AGO2: variants seen among roughly 807,000 people sequenced by gnomAD.
AGO2 encodes protein argonaute-2.
A neutral mutation model predicts 102.3 loss-of-function variants in AGO2; 5 were observed. That is an observed-to-expected ratio of 0.05 (90% CI 0.03 to 0.10). The LOEUF (loss-of-function observed/expected upper bound fraction) is 0.10. Ranked by LOEUF, AGO2 falls within the 10% of genes least tolerant of loss-of-function variation. The pLI is 1.00. For missense variants in AGO2, 541 were observed against 1,183.7 expected, an observed-to-expected ratio of 0.46 and a Z score of 7.97; for synonymous variants, 449 against 473.1, an observed-to-expected ratio of 0.95 and a Z score of 0.66.
chr8:140,562,377 C>G, intron 4 of AGO2, 76 bp downstream of exon 4: 2 of 1,510,844 alleles, frequency 1.3e-6, no homozygotes, highest in Non-Finnish European at 1.8e-6. Context: ...GTTCCTCGGA[C>G]AGATTTCAGA....
intron 1 of AGO2, chr8:140,592,479 A>C (rs1006921481): frequency 6.6e-6 from 1 of 152,200 alleles, no homozygotes; most frequent in Non-Finnish European, 1.5e-5. Context: ...GCAACTGTTG[A>C]CTGAATGAAT....
At position 140,532,492 on chromosome 8, in the gene AGO2, T is replaced by C; in HGVS notation, c.2395A>G (p.Ile799Val). 6.2e-7 allele frequency: 1 copy of C among 1,614,264 alleles called. No individual in the cohort carries two copies. Among genetic ancestry groups the C allele is most frequent in the Non-Finnish European group, 8.5e-7 (1 of 1,180,054 alleles). ...TYVRCTRSVS[I>V]PAPAYYAHLV... Reference sequence around the variant, plus strand: ...TGAGCGTAGTATGCTGGCGCTGGGATGGACACGGAGCGTGTGCAGCGCACG... The same window carrying C: ...TGAGCGTAGTATGCTGGCGCTGGGACGGACACGGAGCGTGTGCAGCGCACG... The change falls in exon 18 of 19, where the codon ATC becomes GTC. Residue 799 changes from isoleucine to valine, a missense_variant. Coordinates refer to ENST00000220592, the MANE Select transcript of AGO2 (RefSeq NM_012154.5).
At chr8:140,577,926 G>C (rs997964462) in intron 2 of AGO2, among the ~76,000 whole-genome samples, 1 of 152,226 alleles carries the variant, frequency 6.6e-6, no homozygotes, top group African/African-American at 2.4e-5. Flanking sequence ...CACCCAGCAC[G>C]GCGTGCGGCT....
rs1325566674 is a variant in AGO2 at position 140,540,350 on chromosome 8, C to G, written c.2034+814G>C. Among the ~76,000 whole-genome samples the G allele has an allele frequency of 3.3e-5, 5 of 152,214 alleles. No homozygotes were observed. In the East Asian group the frequency reaches 9.7e-4, roughly 30 times the overall value. On this transcript the variant is annotated intron_variant, in intron 15 of 18. Transcript: ENST00000220592. This position sits in a 1 kb window ranked among gnomAD's most constrained non-coding sequence, Gnocchi z 5.0. ...CCACGGAGGATGTCTTCCCACCCCACTGGGTGGGGCTCCTCCCCCAACATG... is the reference window on the plus strand; with the variant it reads ...CCACGGAGGATGTCTTCCCACCCCAGTGGGTGGGGCTCCTCCCCCAACATG...
intron 1 of AGO2, among the ~76,000 whole-genome samples, chr8:140,590,811 G>A (rs549561713): frequency 5.5e-4 from 84 of 152,298 alleles, no homozygotes; most frequent in African/African-American, 1.9e-3. Context: ...CAGAGAATAC[G>A]TTCTGGGGAA....
chr8:140,635,942 G>A (rs1392941713), upstream of AGO2, among the ~76,000 whole-genome samples: 1 of 150,026 alleles, frequency 6.7e-6, no homozygotes, highest in Non-Finnish European at 1.5e-5. Flanking sequence ...GGGCGGGCGC[G>A]GCCCCGGGGA....
chr8:140,635,418 C>T (rs1435562834), intron 1 of AGO2, 67 bp downstream of exon 1: 2 of 974,426 alleles, frequency 2.1e-6, no homozygotes, highest in South Asian at 4.6e-5. Context: ...CCGCCCGCGC[C>T]GGGCCCGCCA....
chr8:140,631,646 G>T (rs946411552), intron 1 of AGO2, among the ~76,000 whole-genome samples: 6 of 152,230 alleles, frequency 3.9e-5, no homozygotes, highest in Admixed American at 1.3e-4. Flanking sequence ...CCAAATGTGT[G>T]TGTGAACTTT....
chr8:140,628,743 C>A (rs2074305786), intron 1 of AGO2, among the ~76,000 whole-genome samples: 1 of 151,674 alleles, frequency 6.6e-6, no homozygotes, highest in Non-Finnish European at 1.5e-5. Context: ...CTAGCCTGGG[C>A]AACAGAGTGA....
At chr8:140,554,446 C>T (rs528330472) in intron 10 of AGO2, among the ~76,000 whole-genome samples, 44 of 152,306 alleles carry the variant, frequency 2.9e-4, no homozygotes, top group South Asian at 6.2e-4. Context: ...CAACACAGAA[C>T]GGCCAGCAGC....
rs772860240 is a variant in AGO2, at chr8:140,549,115, G to A, written c.1587C>T (p.Tyr529=). 1.7e-5 allele frequency: 27 copies of A among 1,605,644 alleles called. No individual in the cohort carries two copies. Among genetic ancestry groups the A allele is most frequent in the Admixed American group, 3.3e-5 (2 of 59,774 alleles). Residue 529 remains tyrosine, a splice_region_variant and synonymous_variant, in exon 12 of 19, where the codon TAC becomes TAT. Transcript: ENST00000220592. ...GCCAGCGGGAGCGCCCACACCTACC[G>A]TACACGGGCGTCTTGCCGGGCAGGA... The part of the protein sequence containing the change: ...VVILPGKTPV[Y]AEVKRVGDTV...
chr8:140,596,757 C>T (rs1239188192), intron 1 of AGO2, among the ~76,000 whole-genome samples: 2 of 152,216 alleles, frequency 1.3e-5, no homozygotes, highest in Non-Finnish European at 2.9e-5. Context: ...TGAGGCAGCA[C>T]GTCCGGGTCA....
rs1338970658 is a variant in AGO2 at position 140,528,843 on chromosome 8, C to A, written c.*3201G>T. The A allele has an allele frequency of 6.6e-6, 1 of 152,184 alleles. No individual in the cohort carries two copies. Among genetic ancestry groups the A allele is most frequent in the Non-Finnish European group, 1.5e-5 (1 of 68,038 alleles). 9.4% of individuals were successfully genotyped at this position (152,184 alleles called of 1,614,324 possible). ...GCTTTGCGTCACCGAAGGGCTCACA[C>A]ACGAGGGCAGCTTTCCACCGCTCCC... On this transcript the variant is annotated 3_prime_UTR_variant, in exon 19 of 19. Coordinates refer to ENST00000220592, the MANE Select transcript of AGO2 (RefSeq NM_012154.5). This position sits in a 1 kb window ranked among gnomAD's most constrained non-coding sequence, Gnocchi z 4.5.
At chr8:140,618,815 C>CAA (rs543573898) in intron 1 of AGO2, among the ~76,000 whole-genome samples, 1 of 138,416 alleles carries the variant, frequency 7.2e-6, no homozygotes. Context: ...GACCTTGTCT[C>CAA]AAAAAAAAAA....
chr8:140,570,117 C>T (rs931542522), intron 3 of AGO2, among the ~76,000 whole-genome samples: 1 of 152,270 alleles, frequency 6.6e-6, no homozygotes, highest in Non-Finnish European at 1.5e-5. Flanking sequence ...TCCTACAGAA[C>T]CCCCAAACCA....
chr8:140,537,968 G>T (rs966899026), intron 16 of AGO2, among the ~76,000 whole-genome samples: 1 of 152,028 alleles, frequency 6.6e-6, no homozygotes, highest in Admixed American at 6.6e-5. Context: ...ACAGGCGCCC[G>T]CCACCACGCC....
At chr8:140,554,123 G>T (rs1184351113) in intron 10 of AGO2, among the ~76,000 whole-genome samples, 1 of 152,262 alleles carries the variant, frequency 6.6e-6, no homozygotes, top group Non-Finnish European at 1.5e-5. Context: ...ACAGAAGCCA[G>T]CAGGGCTGTG....
chr8:140,530,482 A>C lies in AGO2; in HGVS notation c.*1562T>G, dbSNP rs559778667. 1 of 152,438 alleles carries C rather than the reference A, an allele frequency of 6.6e-6. No homozygotes were observed. Among genetic ancestry groups the C allele is most frequent in the South Asian group, 2.1e-4 (1 of 4,834 alleles). 9.4% of individuals were successfully genotyped at this position (152,438 alleles called of 1,614,324 possible). ...CCTCCTTCCTGACGCCTCTACACGG[A>C]ACATGGATTTGAGTCTTACTAAAAC... On this transcript the variant is annotated 3_prime_UTR_variant, in exon 19 of 19. Coordinates refer to ENST00000220592, the MANE Select transcript of AGO2 (RefSeq NM_012154.5).
At chr8:140,555,232 G>A (rs934985423) in intron 10 of AGO2, among the ~76,000 whole-genome samples, 9 of 152,180 alleles carry the variant, frequency 5.9e-5, no homozygotes, top group Non-Finnish European at 5.9e-5. Context: ...GACATGGTAT[G>A]CTTGCAACCG....
Sources: gnomAD v4.1 joint callset for allele counts (sites outside exome capture counted in the v4.1 genomes callset) on GRCh38, gnomAD v4.1.1 for gene constraint, Gnocchi (gnomAD v3.1) non-coding constraint, MANE v1.5 for transcripts, NCBI Gene and HGNC (gene_info 2026-07-23, HGNC 2026-07-21) for gene names.